The following DIAPH3 variants were observed in gnomAD, a reference collection of about 807,000 sequenced individuals.
DIAPH3 encodes the protein protein diaphanous homolog 3.
Under a neutral mutation model 144.3 loss-of-function variants are expected in DIAPH3, and 117 were observed. That is an observed-to-expected ratio of 0.81 (90% CI 0.70 to 0.95). The LOEUF is 0.95. Ranked by LOEUF, DIAPH3 falls within the 40% of genes least tolerant of loss-of-function variation. DIAPH3 has a pLI of 0.00. For synonymous variants in DIAPH3, 519 were observed against 488.9 expected, an observed-to-expected ratio of 1.06 and a Z score of -0.81; for missense variants, 1,421 against 1,412.7, an observed-to-expected ratio of 1.01 and a Z score of -0.09.
Position 59,828,835 on chromosome 13 carries a change from G to A in DIAPH3, c.3027+4272C>T, listed in dbSNP as rs1047779641. Among the ~76,000 whole-genome samples the A allele has an allele frequency of 3.3e-5, 5 of 151,772 alleles. 1 individual carries two copies. The South Asian group carries it at 1.0e-3, about 32-fold the overall frequency. ...GGAAACTGATCAGTAGTTCAAAATA[G>A]AACCATTCCCAATGAGCACATTATC... is the stretch of plus-strand genomic sequence containing the variant. On this transcript the variant is annotated intron_variant, in intron 24 of 27. Transcript: ENST00000400324.
At chr13:60,028,537 A>G (rs984894831) in intron 5 of DIAPH3, among the ~76,000 whole-genome samples, 4 of 151,740 alleles carry the variant, frequency 2.6e-5, no homozygotes, top group African/African-American at 9.7e-5. Flanking sequence ...TGGATCACCT[A>G]TTTCTGGACA....
At chr13:59,717,385 C>G (rs1285342513) in intron 27 of DIAPH3, among the ~76,000 whole-genome samples, 1 of 152,116 alleles carries the variant, frequency 6.6e-6, no homozygotes, top group Non-Finnish European at 1.5e-5. Flanking sequence ...AACTAGTCAC[C>G]TTCAGTGCCA....
At chr13:59,846,233 G>C (rs905956714) in intron 22 of DIAPH3, among the ~76,000 whole-genome samples, 29 of 109,754 alleles carry the variant, frequency 2.6e-4, no homozygotes, top group African/African-American at 7.0e-4. Context: ...CATAATCTTT[G>C]TAATTAAAAA....
At chr13:59,886,407 C>A (rs1250230270) in intron 20 of DIAPH3, among the ~76,000 whole-genome samples, 1 of 152,070 alleles carries the variant, frequency 6.6e-6, no homozygotes, top group Non-Finnish European at 1.5e-5. Flanking sequence ...TTAGGTCCAC[C>A]AAGTTTGTTG....
intron 4 of DIAPH3, among the ~76,000 whole-genome samples, chr13:60,061,154 G>C (rs1249712905): frequency 1.3e-5 from 2 of 152,100 alleles, no homozygotes; most frequent in Non-Finnish European, 2.9e-5. Flanking sequence ...TAAAAGACCA[G>C]GATTGGAAAG....
chr13:60,128,589 A>C (rs1456899186), intron 2 of DIAPH3, among the ~76,000 whole-genome samples: 1 of 152,218 alleles, frequency 6.6e-6, no homozygotes, highest in Non-Finnish European at 1.5e-5. Context: ...AAAGTCACAC[A>C]GCTAGTAAAT....
intron 13 of DIAPH3, among the ~76,000 whole-genome samples, chr13:59,983,510 T>C (rs548273566): frequency 7.9e-5 from 12 of 151,752 alleles, no homozygotes; most frequent in African/African-American, 2.4e-4. Context: ...AAGATGATAA[T>C]GACTACTCCC....
At chr13:60,014,164 T>G (rs1270442484) in intron 7 of DIAPH3, among the ~76,000 whole-genome samples, 4 of 152,144 alleles carry the variant, frequency 2.6e-5, no homozygotes, top group African/African-American at 4.8e-5. Context: ...CCCTTTGGTT[T>G]AAAAAAAGTT....
At chr13:60,084,055 TAGATAGAA>T (rs1280094409) in intron 4 of DIAPH3, among the ~76,000 whole-genome samples, 170 of 146,932 alleles carry the variant, frequency 1.2e-3, no homozygotes, top group African/African-American at 4.0e-3. Context: ...GATAGATAGA[TAGATAGAA>T]AGAATAAACT....
At chr13:59,946,102 C>T (rs1594084841) in intron 17 of DIAPH3, among the ~76,000 whole-genome samples, 1 of 152,002 alleles carries the variant, frequency 6.6e-6, no homozygotes, top group African/African-American at 2.4e-5. Flanking sequence ...ACTGGCAACA[C>T]TTTTATGGCT....
chr13:59,685,666 C>CT (rs1179130262), intron 27 of DIAPH3, among the ~76,000 whole-genome samples: 1 of 152,016 alleles, frequency 6.6e-6, no homozygotes, highest in Non-Finnish European at 1.5e-5. Context: ...TCATGGATTC[C>CT]TTGTTCTGTT....
chr13:59,667,610 T>C (rs2032094857), intron 27 of DIAPH3, among the ~76,000 whole-genome samples: 1 of 152,254 alleles, frequency 6.6e-6, no homozygotes. Flanking sequence ...CAAACCAGAA[T>C]GTTATATGTA....
At chr13:60,161,772 C>A (rs1275922329) in intron 1 of DIAPH3, among the ~76,000 whole-genome samples, 1 of 151,924 alleles carries the variant, frequency 6.6e-6, no homozygotes, top group African/African-American at 2.4e-5. Context: ...TAGGAAATGT[C>A]TAAAGAAATA....
chr13:59,850,489 G>A (rs1446417721), intron 22 of DIAPH3, among the ~76,000 whole-genome samples: 7 of 151,314 alleles, frequency 4.6e-5, no homozygotes, highest in East Asian at 3.9e-4. Flanking sequence ...TTTGAAATAC[G>A]TCCCATCAAT....
At chr13:59,878,312 A>G (rs530140036) in intron 21 of DIAPH3, among the ~76,000 whole-genome samples, 1 of 152,292 alleles carries the variant, frequency 6.6e-6, no homozygotes, top group South Asian at 2.1e-4. Flanking sequence ...CTCACAAGGC[A>G]TTGATAGCAA....
chr13:60,076,764 T>C (rs1594597517), intron 4 of DIAPH3, among the ~76,000 whole-genome samples: 1 of 152,302 alleles, frequency 6.6e-6, no homozygotes, highest in East Asian at 1.9e-4. Flanking sequence ...CATTACCCAC[T>C]GGTCACAATC....
At position 59,767,427 on chromosome 13, in the gene DIAPH3, C is replaced by T. The variant is rs559802380; in HGVS notation, c.3319+6762G>A. On this transcript the variant is annotated intron_variant, in intron 27 of 27. Transcript: ENST00000400324. ...ACAAAATAAGTAATTCTTTAATCCTCTTTTAAAAGGGATTTTTATTTTGGG... is the reference window on the plus strand; with the variant it reads ...ACAAAATAAGTAATTCTTTAATCCTTTTTTAAAAGGGATTTTTATTTTGGG... Among the ~76,000 whole-genome samples, 6 of 151,886 alleles carry T rather than the reference C, an allele frequency of 4.0e-5. No individual in the cohort carries two copies. In the East Asian group the frequency reaches 9.7e-4, roughly 24 times the overall value.
chr13:60,103,465 G>C (rs371385068), intron 3 of DIAPH3, among the ~76,000 whole-genome samples: 1 of 152,140 alleles, frequency 6.6e-6, no homozygotes. Flanking sequence ...TGGTCAGGTG[G>C]AAGGATATTC....
intron 25 of DIAPH3, among the ~76,000 whole-genome samples, chr13:59,790,193 A>G (rs2039254618): frequency 6.6e-6 from 1 of 152,212 alleles, no homozygotes; most frequent in African/African-American, 2.4e-5. Context: ...GGGTGCTATG[A>G]AATTGCTTAA....
Sources: allele counts gnomAD v4.1 joint callset (sites outside exome capture counted in the v4.1 genomes callset), GRCh38; gene constraint gnomAD v4.1.1; transcripts MANE v1.5; gene names NCBI Gene and HGNC (gene_info 2026-07-23, HGNC 2026-07-21).